ZZEF1: variants seen among roughly 807,000 people sequenced by gnomAD.
ZZEF1 encodes zinc finger ZZ-type and EF-hand domain-containing protein 1.
In ZZEF1, 157 loss-of-function variants were observed where a neutral mutation model predicts 342.8. That is an observed-to-expected ratio of 0.46 (90% CI 0.40 to 0.52). The LOEUF (loss-of-function observed/expected upper bound fraction) is 0.52, where lower values mean the gene tolerates loss of function less well. Among genes scored for constraint, ZZEF1 ranks in the 20% least tolerant of loss-of-function variants. The pLI is 0.00. For missense variants in ZZEF1, 3,480 were observed against 3,725.6 expected (o/e 0.93, Z 1.72); for synonymous variants, 1,505 against 1,429.1 (o/e 1.05, Z -1.20).
At chr17:4,044,987 C>T (rs1266553629) in intron 37 of ZZEF1, among the ~76,000 whole-genome samples, 7 of 152,016 alleles carry the variant, frequency 4.6e-5, no homozygotes, top group Admixed American at 2.0e-4. Flanking sequence ...AACCCCATCT[C>T]TACTAAAAAT....
chr17:4,093,756 T>A (rs1450804647), intron 11 of ZZEF1, among the ~76,000 whole-genome samples: 1 of 152,128 alleles, frequency 6.6e-6, no homozygotes, highest in Non-Finnish European at 1.5e-5. Context: ...CCACTACCCA[T>A]GAAATAATGC....
chr17:4,019,648 C>G, intron 46 of ZZEF1, 21 bp downstream of exon 46: 1 of 1,602,342 alleles, frequency 6.2e-7, no homozygotes, highest in Non-Finnish European at 8.5e-7. Context: ...CACACTTCAG[C>G]TGCACGGAAA....
chr17:4,008,509 C>T lies in ZZEF1; in HGVS notation c.8805+374G>A, dbSNP rs1195953049. On this transcript the variant is annotated intron_variant, in intron 54 of 54. Coordinates refer to ENST00000381638, the MANE Select transcript of ZZEF1 (RefSeq NM_015113.4). The surrounding 1 kb of genome is among the most constrained non-coding windows in gnomAD (Gnocchi z 4.2). ...TCCTCAGTCAGTGAAAAGTGTGAAGCGTCCTGAGACCAAACAGCTGTCAGA... is the reference window on the plus strand; with the variant it reads ...TCCTCAGTCAGTGAAAAGTGTGAAGTGTCCTGAGACCAAACAGCTGTCAGA... 1.2e-5 allele frequency: 12 copies of T among 1,019,228 alleles called. No individual in the cohort carries two copies. The highest frequency in any genetic ancestry group is 6.8e-5 in the African/African-American group (4 of 58,404). 63.1% of individuals were successfully genotyped at this position (1,019,228 alleles called of 1,614,324 possible).
chr17:4,095,781 G>C, intron 11 of ZZEF1, 50 bp downstream of exon 11: 1 of 1,544,198 alleles, frequency 6.5e-7, no homozygotes, highest in South Asian at 1.2e-5. Context: ...TAACTACAAA[G>C]ATTTTTGTTC....
At chr17:4,101,496 G>A (rs1044755872) in intron 9 of ZZEF1, among the ~76,000 whole-genome samples, 1 of 152,130 alleles carries the variant, frequency 6.6e-6, no homozygotes, top group African/African-American at 2.4e-5. Flanking sequence ...ACCTTATCAC[G>A]AGATAAGGAA....
chr17:4,081,426 T>G lies in ZZEF1; in HGVS notation c.2779A>C (p.Ser927Arg). The G allele has an allele frequency of 6.2e-7, 1 of 1,614,066 alleles. No individual in the cohort carries two copies. The highest frequency in any genetic ancestry group is 8.5e-7 in the Non-Finnish European group (1 of 1,180,020). The part of the protein sequence containing the change: ...EKNDLAKMNI[S>R]EVLAVMDTLV... Reference sequence around the variant, plus strand: ...GTGTCCATGACCGCCAGGACTTCACTGATGTTCATCTTGGCCAGGTCGTTC... The same window carrying G: ...GTGTCCATGACCGCCAGGACTTCACGGATGTTCATCTTGGCCAGGTCGTTC... The change falls in exon 18 of 55, where the codon AGT becomes CGT. Residue 927 changes from serine (S) to arginine (R), a missense_variant. Physicochemically the swap from Ser to Arg is moderately radical, Grantham distance 110 (BLOSUM62 -1). Transcript: ENST00000381638.
At chr17:4,046,071 C>T (rs916841150) in intron 37 of ZZEF1, among the ~76,000 whole-genome samples, 1 of 152,194 alleles carries the variant, frequency 6.6e-6, no homozygotes, top group African/African-American at 2.4e-5. Context: ...TTGCGATCCA[C>T]CCATCTTGGC....
At chr17:4,053,300 A>G (rs554950925) in intron 34 of ZZEF1, among the ~76,000 whole-genome samples, 3 of 152,324 alleles carry the variant, frequency 2.0e-5, no homozygotes, top group South Asian at 4.1e-4. Context: ...CAAACATTTC[A>G]GCATGGCCAT....
At chr17:4,010,179 A>C (rs2055908832) in intron 52 of ZZEF1, among the ~76,000 whole-genome samples, 1 of 150,448 alleles carries the variant, frequency 6.6e-6, no homozygotes, top group Non-Finnish European at 1.5e-5. Context: ...AAAAACAAAC[A>C]AACAAACAAA....
Position 4,075,262 on chromosome 17 carries a change from C to A in ZZEF1, c.3401+1G>T. The A allele has an allele frequency of 6.2e-7, 1 of 1,614,070 alleles. No individual in the cohort carries two copies. Reference sequence around the variant, plus strand: ...GGGGTGAAAGAATATAGAAGTCTTACCTTTTTTCAGTTTCACACCTGTCAT... The same window carrying A: ...GGGGTGAAAGAATATAGAAGTCTTAACTTTTTTCAGTTTCACACCTGTCAT... On this transcript the variant is annotated splice_donor_variant, in intron 22 of 54. Transcript: ENST00000381638. LOFTEE classifies it high-confidence loss of function.
Position 4,033,000 on chromosome 17 carries a change from C to T in ZZEF1, c.6587G>A (p.Arg2196Gln), listed in dbSNP as rs764239622. ...FSLGAVCLDS[R>Q]VGLDWACSMA... ...GGAGCACGCCCAGTCCAAGCCCACC[C>T]GGCTGGAAGGCAAGAGCTCCATTAG... Residue 2196 changes from arginine to glutamine, a missense_variant and splice_region_variant, in exon 41 of 55, where the codon CGG becomes CAG. Around this residue, in one of 5 missense-constraint regions of ZZEF1, gnomAD observed 1,269 missense variants for 1,342.4 expected, o/e 0.95. Coordinates refer to ENST00000381638, the MANE Select transcript of ZZEF1 (RefSeq NM_015113.4). 5.1e-6 allele frequency: 8 copies of T among 1,564,448 alleles called. No homozygotes were observed. Among genetic ancestry groups the T allele is most frequent in the South Asian group, 3.5e-5 (3 of 85,534 alleles).
intron 2 of ZZEF1, among the ~76,000 whole-genome samples, chr17:4,122,662 G>C (rs902386690): frequency 6.6e-6 from 1 of 152,184 alleles, no homozygotes; most frequent in Non-Finnish European, 1.5e-5. Context: ...TGGGATTACA[G>C]GCGTGAGCCA....
At chr17:4,031,567 A>G (rs548614306) in intron 42 of ZZEF1, among the ~76,000 whole-genome samples, 48 of 152,274 alleles carry the variant, frequency 3.2e-4, no homozygotes, top group Admixed American at 5.2e-4. Flanking sequence ...CATACACGAA[A>G]ACAGCACAGA....
Position 4,117,126 on chromosome 17 carries a change from A to T in ZZEF1, c.540T>A (p.Asp180Glu). The T allele has an allele frequency of 6.2e-7, 1 of 1,613,848 alleles. No homozygotes were observed. Among genetic ancestry groups the T allele is most frequent in the Non-Finnish European group, 8.5e-7 (1 of 1,179,810 alleles). The change falls in exon 3 of 55, where the codon GAT becomes GAA. Residue 180 changes from aspartate (D) to glutamate (E), a missense_variant. Asp to Glu is a conservative substitution (Grantham distance 45). Around this residue, in one of 5 missense-constraint regions of ZZEF1, gnomAD observed 416 missense variants for 374.2 expected, o/e 1.11. Coordinates refer to ENST00000381638, the MANE Select transcript of ZZEF1 (RefSeq NM_015113.4). ...DIFSESKEGL[D>E]IHSSMILRFL... The stretch of plus-strand genomic sequence containing the variant: ...AGCGCAGTATCATTGACGAGTGAAT[A>T]TCAAGGCCCTCCTTCGACTCTGAAA...
chr17:4,108,496 G>A (rs2058246935), intron 6 of ZZEF1, among the ~76,000 whole-genome samples: 1 of 152,238 alleles, frequency 6.6e-6, no homozygotes, highest in East Asian at 1.9e-4. Flanking sequence ...GAAATGCAGA[G>A]TGTTTCGCTG....
In ZZEF1 at chr17:4,016,356, C is replaced by T. The variant is rs373957147; in HGVS notation, c.8112G>A (p.Ser2704=). ...TGGTGTTGTTGTTATACGGGTGTTT[C>T]GACTCCCTCACTTGCACCTCCATTC... The part of the protein sequence containing the change: ...EPGMEVQVRE[S]KHPYNNNTNF... The change falls in exon 49 of 55, where the codon TCG becomes TCA. Residue 2704 remains serine, a synonymous_variant. Coordinates refer to ENST00000381638, the MANE Select transcript of ZZEF1 (RefSeq NM_015113.4). The surrounding 1 kb of genome is among the most constrained non-coding windows in gnomAD (Gnocchi z 4.4). The T allele has an allele frequency of 3.7e-5, 60 of 1,614,022 alleles. No individual in the cohort carries two copies. The East Asian group carries it at 5.6e-4, about 15-fold the overall frequency.
intron 1 of ZZEF1, among the ~76,000 whole-genome samples, chr17:4,131,219 C>A (rs1039208773): frequency 6.6e-6 from 1 of 151,980 alleles, no homozygotes; most frequent in Non-Finnish European, 1.5e-5. Context: ...CCCAGGATGA[C>A]GGAGCTTCTC....
chr17:4,129,301 AC>A (rs2058626812), intron 1 of ZZEF1, among the ~76,000 whole-genome samples: 2 of 152,226 alleles, frequency 1.3e-5, no homozygotes, highest in South Asian at 4.1e-4. Context: ...TAGTTCGATC[AC>A]TGTGGAAAGC....
At chr17:4,053,547 A>G (rs997567449) in intron 34 of ZZEF1, among the ~76,000 whole-genome samples, 5 of 152,192 alleles carry the variant, frequency 3.3e-5, no homozygotes, top group Non-Finnish European at 7.3e-5. Flanking sequence ...TGGAATAGAC[A>G]TTCTGTGGAT....
Sources: allele counts gnomAD v4.1 joint callset (sites outside exome capture counted in the v4.1 genomes callset), GRCh38; gene constraint gnomAD v4.1.1; regional missense constraint gnomAD v4.1.1; non-coding constraint Gnocchi (gnomAD v3.1); transcripts MANE v1.5; gene names NCBI Gene and HGNC (gene_info 2026-07-23, HGNC 2026-07-21).